CD180: variants seen among roughly 807,000 people sequenced by gnomAD.
CD180 encodes the protein CD180 molecule, also known as CD180 antigen.
CD180 carries 11 observed loss-of-function variants against 10.7 expected under a neutral mutation model. The observed-to-expected ratio is 1.03, with a 90% confidence interval of 0.65 to 1.70. CD180 has a LOEUF of 1.70. Ranked by LOEUF, CD180 falls within the 40% of genes most tolerant of loss-of-function variation. The probability of loss-of-function intolerance (pLI) is 0.00; values close to 1 mark genes in which losing one functional copy is unlikely to be tolerated. For missense variants in CD180, 729 were observed against 775.2 expected, an observed-to-expected ratio of 0.94 and a Z score of 0.71; for synonymous variants, 286 against 294.6, an observed-to-expected ratio of 0.97 and a Z score of 0.30.
intron 1 of CD180, among the ~76,000 whole-genome samples, chr5:67,193,706 C>T (rs1742349603): frequency 6.6e-6 from 1 of 152,198 alleles, no homozygotes; most frequent in Non-Finnish European, 1.5e-5. Flanking sequence ...ACTTTGCTGC[C>T]ACACAGGGCT....
At chr5:67,184,664 A>G (rs1204159786) in intron 2 of CD180, 79 bp from the exon 3 acceptor site, 5 of 1,187,062 alleles carry the variant, frequency 4.2e-6, no homozygotes, top group Admixed American at 2.3e-5. Flanking sequence ...ACATTAACAA[A>G]GTCATCTTTT....
At chr5:67,187,393 T>G (rs757593720) in intron 1 of CD180, among the ~76,000 whole-genome samples, 13 of 152,214 alleles carry the variant, frequency 8.5e-5, no homozygotes, top group Non-Finnish European at 1.6e-4. Context: ...TATGAATTAA[T>G]TTTAGATCTC....
rs1397802932 is a variant in CD180, at chr5:67,196,591, GC to G, written c.50del (p.Gly17AlafsTer26). 6.2e-7 allele frequency: 1 copy of G among 1,613,862 alleles called. No homozygotes were observed. The highest frequency in any genetic ancestry group is 2.2e-5 in the East Asian group (1 of 44,888). ...CFFWVVLFSA[G>X]CKVITSWDQM... ...GATCCCAGGAGGTGATGACTTTACAGCCGGCAGAAAACAGCACCACCCAAAA... is the reference window on the plus strand; with the variant it reads ...GATCCCAGGAGGTGATGACTTTACAGCGGCAGAAAACAGCACCACCCAAAA... On this transcript the variant is annotated frameshift_variant, in exon 1 of 3. Coordinates refer to ENST00000256447, the MANE Select transcript of CD180 (RefSeq NM_005582.3). LOFTEE classifies it high-confidence loss of function.
rs1742058376 is a variant in CD180 at position 67,182,061 on chromosome 5, C to T, written c.*796G>A. 1 of 152,150 alleles carries T rather than the reference C, an allele frequency of 6.6e-6. No individual in the cohort carries two copies. The allele number at this position is 152,150 out of a possible 1,614,324, so 9.4% of individuals were successfully genotyped here. On this transcript the variant is annotated 3_prime_UTR_variant, in exon 3 of 3. Coordinates refer to ENST00000256447, the MANE Select transcript of CD180 (RefSeq NM_005582.3). The stretch of plus-strand genomic sequence containing the variant: ...GAGAAGAGCATTTTGGGTCACAGCC[C>T]ACCTGCAAGTTAGGATCTGTAACAT...
At position 67,183,702 on chromosome 5, in the gene CD180, C is replaced by T. The variant is rs1482634876; in HGVS notation, c.1141G>A (p.Asp381Asn). ...NLQTLDLSHN[D>N]IEASDCCSLQ... Reference sequence around the variant, plus strand: ...CTGCAGCAGTCAGAAGCCTCTATGTCATTATGGCTTAAATCAAGTGTCTGA... The same window carrying T: ...CTGCAGCAGTCAGAAGCCTCTATGTTATTATGGCTTAAATCAAGTGTCTGA... Residue 381 changes from aspartate (D) to asparagine (N), a missense_variant, in exon 3 of 3, where the codon GAC becomes AAC. By Grantham distance (23) the Asp-to-Asn change is conservative. Coordinates refer to ENST00000256447, the MANE Select transcript of CD180 (RefSeq NM_005582.3). The T allele has an allele frequency of 1.9e-6, 3 of 1,614,124 alleles. No individual in the cohort carries two copies. The highest frequency in any genetic ancestry group is 2.2e-5 in the South Asian group (2 of 91,076).
At position 67,179,878 on chromosome 5, in the gene CD180, C is replaced by A. The variant is rs1742005218; in HGVS notation, c.*2979G>T. ...ACTTCAGTGCTATTTGCTCCAGTAC[C>A]CTTTGAAATGCAGGGTCAGCTCACT... On this transcript the variant is annotated 3_prime_UTR_variant, in exon 3 of 3. Transcript: ENST00000256447. 2 of 152,214 alleles carry A rather than the reference C, an allele frequency of 1.3e-5. No homozygotes were observed. Among genetic ancestry groups the A allele is most frequent in the Admixed American group, 1.3e-4 (2 of 15,286 alleles). 9.4% of individuals were successfully genotyped at this position (152,214 alleles called of 1,614,324 possible).
Position 67,183,927 on chromosome 5 carries a change from T to G in CD180, c.916A>C (p.Thr306Pro), listed in dbSNP as rs766257363. The G allele has an allele frequency of 1.7e-5, 28 of 1,614,092 alleles. No homozygotes were observed. The South Asian group carries it at 3.1e-4, about 18-fold the overall frequency. The stretch of plus-strand genomic sequence containing the variant: ...GGTAACCCTTTCAAGTGAGTTGCTG[T>G]CAGATCCAATTCTTGGAGTTGGGTG... ...CFTQLQELDL[T>P]ATHLKGLPSG... is the part of the protein sequence containing the mutation. Residue 306 changes from threonine (T) to proline (P), a missense_variant, in exon 3 of 3, where the codon ACA becomes CCA. Transcript: ENST00000256447.
At position 67,185,321 on chromosome 5, in the gene CD180, ACACACACG is replaced by A. The variant is rs1328655406; in HGVS notation, c.257+522_257+529del. The stretch of plus-strand genomic sequence containing the variant: ...CACACACACACACACACACACACAC[ACACACACG>A]CAGTATAGCCCTTTCATTTTCTTCC... On this transcript the variant is annotated intron_variant, in intron 2 of 2. Transcript: ENST00000256447. 1.9e-3 allele frequency among the ~76,000 whole-genome samples: 285 copies of A among 150,984 alleles called. 2 individuals carry two copies. Among genetic ancestry groups the A allele is most frequent in the East Asian group, 9.7e-3 (50 of 5,146 alleles).
chr5:67,185,601 A>G (rs771976235), intron 2 of CD180, among the ~76,000 whole-genome samples: 1 of 152,158 alleles, frequency 6.6e-6, no homozygotes, highest in South Asian at 2.1e-4. Flanking sequence ...TGCTATCAGT[A>G]TTCCTTAGAA....
rs201686071 is a variant in CD180, at chr5:67,183,646, T to C, written c.1197A>G (p.Gln399=). ...SLQLKNLSHL[Q]TLNLSHNEPL... ...GCTCATTGTGGCTCAGGTTTAAGGT[T>C]TGCAAGTGGGACAGGTTTTTGAGTT... Residue 399 remains glutamine, a synonymous_variant, in exon 3 of 3, where the codon CAA becomes CAG. Transcript: ENST00000256447. The C allele has an allele frequency of 1.9e-5, 31 of 1,614,154 alleles. No individual in the cohort carries two copies. In the African/African-American group the frequency reaches 3.3e-4, roughly 17 times the overall value.
chr5:67,189,901 C>T (rs1391056853), intron 1 of CD180, among the ~76,000 whole-genome samples: 1 of 152,088 alleles, frequency 6.6e-6, no homozygotes, highest in African/African-American at 2.4e-5. Flanking sequence ...GACTATAGTG[C>T]CATTATGAAA....
chr5:67,183,591 C>A lies in CD180; in HGVS notation c.1252G>T (p.Glu418Ter). 6.2e-7 allele frequency: 1 copy of A among 1,614,202 alleles called. No individual in the cohort carries two copies. Among genetic ancestry groups the A allele is most frequent in the Non-Finnish European group, 8.5e-7 (1 of 1,180,040 alleles). ...TCGAGGAGTTCTAGCTGAGGACATT[C>A]TTTGAATGCCTGACTCTGGAGACCA... ...PLGLQSQAFK[E>*]CPQLELLDLA... The change falls in exon 3 of 3, where the codon GAA (glutamate) becomes TAA (stop). Residue 418 changes from glutamate to a stop codon, truncating the protein, a stop_gained. Transcript: ENST00000256447. LOFTEE classifies it low-confidence loss of function (END_TRUNC).
rs758957367 is a variant in CD180 at position 67,183,389 on chromosome 5, G to T, written c.1454C>A (p.Thr485Asn). Residue 485 changes from threonine to asparagine, a missense_variant, in exon 3 of 3, where the codon ACT becomes AAT. Transcript: ENST00000256447. ...CTGAAGTAGGTTGGTCTTCGTGATAGTCCCATCTTGAAAGTGATTCCCTTT... is the reference window on the plus strand; with the variant it reads ...CTGAAGTAGGTTGGTCTTCGTGATATTCCCATCTTGAAAGTGATTCCCTTT... ...NLKGNHFQDGTITKTNLLQTV... is the reference protein window; with the variant it reads ...NLKGNHFQDGNITKTNLLQTV... 35 of 1,614,210 alleles carry T rather than the reference G, an allele frequency of 2.2e-5. No homozygotes were observed. The East Asian group carries it at 7.6e-4, about 35-fold the overall frequency.
Position 67,183,986 on chromosome 5 carries a change from A to T in CD180, c.857T>A (p.Phe286Tyr), listed in dbSNP as rs1357180046. Residue 286 changes from phenylalanine to tyrosine, a missense_variant, in exon 3 of 3, where the codon TTC becomes TAC. By Grantham distance (22) the Phe-to-Tyr change is conservative. Transcript: ENST00000256447. The stretch of plus-strand genomic sequence containing the variant: ...AAATGTGGTGGATGAGATGTCAGAG[A>T]AGCGGTGTTCCTGCAGGTTGAGGCT... Reference protein sequence around the residue: ...VESLNLQEHRFSDISSTTFQC... With the variant: ...VESLNLQEHRYSDISSTTFQC... 1 of 1,614,188 alleles carries T rather than the reference A, an allele frequency of 6.2e-7. No individual in the cohort carries two copies. The highest frequency in any genetic ancestry group is 2.2e-5 in the East Asian group (1 of 44,882).
intron 1 of CD180, among the ~76,000 whole-genome samples, chr5:67,186,875 A>T (rs374320828): frequency 9.4e-5 from 11 of 117,294 alleles, no homozygotes; most frequent in South Asian, 2.6e-4. Context: ...TGTGTGTGTG[A>T]AAGAGAGAGA....
intron 1 of CD180, among the ~76,000 whole-genome samples, chr5:67,195,436 C>T (rs184720296): frequency 1.2e-4 from 19 of 152,270 alleles, no homozygotes; most frequent in African/African-American, 3.6e-4. Context: ...AGACTGGTCT[C>T]GAACTCCCAG....
chr5:67,181,880 C>G lies in CD180; in HGVS notation c.*977G>C, dbSNP rs1450718393. 1 of 152,266 alleles carries G rather than the reference C, an allele frequency of 6.6e-6. No individual in the cohort carries two copies. Among genetic ancestry groups the G allele is most frequent in the Non-Finnish European group, 1.5e-5 (1 of 68,052 alleles). 9.4% of individuals were successfully genotyped at this position (152,266 alleles called of 1,614,324 possible). On this transcript the variant is annotated 3_prime_UTR_variant, in exon 3 of 3. Coordinates refer to ENST00000256447, the MANE Select transcript of CD180 (RefSeq NM_005582.3). Reference sequence around the variant, plus strand: ...GCTTTACTGTGTTCCCAACAGCTAGCATGCAGGGATGCCTTCTTCCTCATT... The same window carrying G: ...GCTTTACTGTGTTCCCAACAGCTAGGATGCAGGGATGCCTTCTTCCTCATT...
Position 67,182,818 on chromosome 5 carries a change from C to A in CD180, c.*39G>T. 1 of 1,524,306 alleles carries A rather than the reference C, an allele frequency of 6.6e-7. No homozygotes were observed. Among genetic ancestry groups the A allele is most frequent in the South Asian group, 1.3e-5 (1 of 76,414 alleles). 94.4% of individuals were successfully genotyped at this position (1,524,306 alleles called of 1,614,324 possible). ...AGTTCTTTCACTTAGAGCAATTTTG[C>A]TAAGCACACTTATTTGCTTTCTCTG... On this transcript the variant is annotated 3_prime_UTR_variant, in exon 3 of 3. Coordinates refer to ENST00000256447, the MANE Select transcript of CD180 (RefSeq NM_005582.3).
intron 1 of CD180, among the ~76,000 whole-genome samples, chr5:67,188,093 C>T (rs1272912138): frequency 6.6e-6 from 1 of 151,772 alleles, no homozygotes; most frequent in Non-Finnish European, 1.5e-5. Context: ...TCGCTTGAAC[C>T]AGGGACTCAG....
Sources: gnomAD v4.1 joint callset for allele counts (sites outside exome capture counted in the v4.1 genomes callset) on GRCh38, gnomAD v4.1.1 for gene constraint, MANE v1.5 for transcripts, NCBI Gene and HGNC (gene_info 2026-07-23, HGNC 2026-07-21) for gene names.